Variants in CD247 observed in about 807,000 individuals in gnomAD.
CD247 encodes the protein T-cell surface glycoprotein CD3 zeta chain.
Under a neutral mutation model 30.0 loss-of-function variants are expected in CD247, and 13 were observed. That is an observed-to-expected ratio of 0.43 (90% confidence interval 0.28 to 0.69). CD247 has a LOEUF of 0.69. Ranked by LOEUF, CD247 falls within the 30% of genes least tolerant of loss-of-function variation. The pLI is 0.16. For missense variants in CD247, 193 were observed against 212.6 expected (o/e 0.91, Z 0.57); for synonymous variants, 72 against 80.0 (o/e 0.90, Z 0.53).
chr1:167,459,142 TTA>T (rs1558007381), intron 1 of CD247, among the ~76,000 whole-genome samples: 2 of 135,036 alleles, frequency 1.5e-5, no homozygotes. Flanking sequence ...CTCAAAAATT[TTA>T]AAAAAAAAAA....
chr1:167,439,516 A>G, intron 2 of CD247, 116 bp from the exon 3 acceptor site: 1 of 874,086 alleles, frequency 1.1e-6, no homozygotes, highest in Non-Finnish European at 1.9e-6. Flanking sequence ...GGCAACTAAC[A>G]ATGCTGCCCT....
At chr1:167,471,420 A>T (rs1653516866) in intron 1 of CD247, among the ~76,000 whole-genome samples, 1 of 152,210 alleles carries the variant, frequency 6.6e-6, no homozygotes, top group Non-Finnish European at 1.5e-5. Context: ...CACACTGGGT[A>T]TTATCATTAA....
At chr1:167,432,756 C>T (rs372708051) in intron 7 of CD247, among the ~76,000 whole-genome samples, 2 of 152,216 alleles carry the variant, frequency 1.3e-5, no homozygotes, top group Non-Finnish European at 2.9e-5. Flanking sequence ...GGGGAGGCTG[C>T]GTACCCTCTG....
chr1:167,504,725 G>A (rs1655045333), intron 1 of CD247, among the ~76,000 whole-genome samples: 1 of 152,172 alleles, frequency 6.6e-6, no homozygotes, highest in Non-Finnish European at 1.5e-5. Flanking sequence ...GCCTCTCCTT[G>A]TCATTAACGG....
intron 1 of CD247, among the ~76,000 whole-genome samples, chr1:167,447,610 C>T (rs917068543): frequency 3.3e-5 from 5 of 152,076 alleles, no homozygotes; most frequent in African/African-American, 4.8e-5. Context: ...ATGAATCCTA[C>T]GAAGGCGACA....
chr1:167,457,223 C>G (rs746341185), intron 1 of CD247, among the ~76,000 whole-genome samples: 5 of 145,554 alleles, frequency 3.4e-5, no homozygotes, highest in Non-Finnish European at 6.3e-5. Flanking sequence ...ACAAGCTGCT[C>G]TGGGCCATTT....
At chr1:167,442,701 T>G (rs1484266661) in intron 1 of CD247, among the ~76,000 whole-genome samples, 1 of 152,040 alleles carries the variant, frequency 6.6e-6, no homozygotes, top group Non-Finnish European at 1.5e-5. Flanking sequence ...AGCAGATGAT[T>G]CAAAGGCAGC....
chr1:167,434,003 G>C lies in CD247; in HGVS notation c.393+17C>G. ...CAAGAGGAACTCCCTCGGAAATTAA[G>C]AAACAGCAACACTCACCTCGCCTTT... On this transcript the variant is annotated intron_variant, in intron 6 of 7. Transcript: ENST00000362089. 1 of 1,611,088 alleles carries C rather than the reference G, an allele frequency of 6.2e-7. No individual in the cohort carries two copies.
chr1:167,462,413 C>G (rs1353276789), intron 1 of CD247, among the ~76,000 whole-genome samples: 1 of 152,254 alleles, frequency 6.6e-6, no homozygotes, highest in African/African-American at 2.4e-5. Flanking sequence ...GGCAGGAACT[C>G]TGGCAAAGCT....
At chr1:167,505,483 T>C (rs1214280413) in intron 1 of CD247, among the ~76,000 whole-genome samples, 1 of 152,246 alleles carries the variant, frequency 6.6e-6, no homozygotes, top group East Asian at 1.9e-4. Context: ...GCCTGCCTGC[T>C]TCGTTTCTGA....
intron 1 of CD247, among the ~76,000 whole-genome samples, chr1:167,465,648 C>T (rs2102038191): frequency 6.6e-6 from 1 of 152,244 alleles, no homozygotes; most frequent in South Asian, 2.1e-4. Flanking sequence ...TTCTTCTTCA[C>T]CTGTAGTGTT....
intron 1 of CD247, chr1:167,448,544 C>T: frequency 1.0e-6 from 1 of 985,176 alleles, no homozygotes; most frequent in Non-Finnish European, 1.2e-6. Flanking sequence ...AGGACTCACA[C>T]TGCCCAGTGC....
At position 167,469,989 on chromosome 1, in the gene CD247, C is replaced by T. The variant is rs575966250; in HGVS notation, c.59-29222G>A. ...AGTGCAATGGTGCGATCTCGGCACA[C>T]GGCAACCTCCGCCTCCCAGGCTCAA... is the stretch of plus-strand genomic sequence containing the variant. On this transcript the variant is annotated intron_variant, in intron 1 of 7. Transcript: ENST00000362089. 3.4e-3 allele frequency among the ~76,000 whole-genome samples: 524 copies of T among 152,260 alleles called. 2 individuals are homozygous for T. The highest frequency in any genetic ancestry group is 5.8e-3 in the Admixed American group (89 of 15,298).
chr1:167,439,086 A>C (rs546509389), intron 3 of CD247, among the ~76,000 whole-genome samples: 1 of 152,268 alleles, frequency 6.6e-6, no homozygotes, highest in East Asian at 1.9e-4. Context: ...GGGGCTCACT[A>C]GTGGCAGGCA....
At chr1:167,518,191 C>T in intron 1 of CD247, among the ~76,000 whole-genome samples, 1 of 152,136 alleles carries the variant, frequency 6.6e-6, no homozygotes, top group East Asian at 1.9e-4. Context: ...GCTGTGTATT[C>T]TAGCAGCTGG....
At chr1:167,506,272 CTTTTCTTTTCTTTTCTTTTTTCTTTTCT>C (rs1655121517) in intron 1 of CD247, among the ~76,000 whole-genome samples, 701 of 11,416 alleles carry the variant, frequency 0.061, 13 homozygotes, top group African/African-American at 0.24. Flanking sequence ...TTTTCTTTTC[CTTTTCTTTTCTTTTCTTTTTTCTTTTCT>C]TTTCCTTTCC....
At chr1:167,515,585 T>C (rs1293127659) in intron 1 of CD247, among the ~76,000 whole-genome samples, 1 of 152,234 alleles carries the variant, frequency 6.6e-6, no homozygotes, top group East Asian at 1.9e-4. Flanking sequence ...ACAGAGTAAG[T>C]ATCTTTAAAA....
At chr1:167,484,445 G>C (rs923416097) in intron 1 of CD247, among the ~76,000 whole-genome samples, 1 of 152,190 alleles carries the variant, frequency 6.6e-6, no homozygotes, top group Non-Finnish European at 1.5e-5. Context: ...TGGAGGAGGA[G>C]GAGGCACTGT....
chr1:167,449,153 T>TC (rs1270815225), intron 1 of CD247, among the ~76,000 whole-genome samples: 17 of 53,284 alleles, frequency 3.2e-4, no homozygotes, highest in African/African-American at 1.6e-3. Flanking sequence ...TCTTTTCTTT[T>TC]TTTTTTTTTT....
Sources: allele counts gnomAD v4.1 joint callset (sites outside exome capture counted in the v4.1 genomes callset), GRCh38; gene constraint gnomAD v4.1.1; transcripts MANE v1.5; gene names NCBI Gene and HGNC (gene_info 2026-07-23, HGNC 2026-07-21).